Variants in TENM2 observed in about 807,000 individuals in gnomAD.
TENM2 encodes teneurin transmembrane protein 2.
In TENM2, 52 loss-of-function variants were observed where a neutral mutation model predicts 245.2. The observed-to-expected ratio is 0.21, with a 90% confidence interval of 0.17 to 0.27. TENM2 has a LOEUF of 0.27. TENM2 is among the 10% of genes least tolerant of loss of function. The pLI is 1.00. For missense variants in TENM2, 3,046 were observed against 3,666.8 expected, an observed-to-expected ratio of 0.83 and a Z score of 4.37; for synonymous variants, 1,363 against 1,438.9, an observed-to-expected ratio of 0.95 and a Z score of 1.19.
chr5:167,348,902 T>A (rs1561881866), intron 1 of TENM2, among the ~76,000 whole-genome samples: 1 of 152,226 alleles, frequency 6.6e-6, no homozygotes, highest in Non-Finnish European at 1.5e-5. Context: ...TATTGCATAT[T>A]CTGTAAGTCT....
At chr5:167,923,800 C>T (rs1693304036) in intron 3 of TENM2, among the ~76,000 whole-genome samples, 1 of 152,088 alleles carries the variant, frequency 6.6e-6, no homozygotes, top group Non-Finnish European at 1.5e-5. Context: ...GGAAGGAAGC[C>T]TAGTATCTCC....
intron 7 of TENM2, among the ~76,000 whole-genome samples, chr5:168,084,684 G>C (rs151178657): frequency 0.013 from 2,052 of 152,314 alleles, 25 homozygotes; most frequent in Non-Finnish European, 0.02. Context: ...AGAGAGAAGA[G>C]CAGTATGGCT....
At chr5:167,488,212 T>A (rs1319355618) in intron 2 of TENM2, among the ~76,000 whole-genome samples, 2 of 152,282 alleles carry the variant, frequency 1.3e-5, no homozygotes, top group Non-Finnish European at 2.9e-5. Context: ...TATTATTTTT[T>A]AAAAAATCGA....
intron 2 of TENM2, among the ~76,000 whole-genome samples, chr5:167,741,635 C>G (rs1056338030): frequency 4.6e-5 from 7 of 152,170 alleles, no homozygotes; most frequent in Non-Finnish European, 7.3e-5. Context: ...TCTGCTATCA[C>G]CTCAGCTTCA....
chr5:167,069,749 C>T, the TENM2 span, among the ~76,000 whole-genome samples: 1 of 152,118 alleles, frequency 6.6e-6, no homozygotes, highest in African/African-American at 2.4e-5. Flanking sequence ...ACTTAATTTT[C>T]ATTTAGCTGA....
intron 25 of TENM2, among the ~76,000 whole-genome samples, chr5:168,229,266 G>A (rs1030753958): frequency 2.6e-5 from 4 of 151,942 alleles, no homozygotes; most frequent in East Asian, 1.9e-4. Context: ...TCGATCCCAC[G>A]TCTCTCTTTC....
intron 8 of TENM2, among the ~76,000 whole-genome samples, chr5:168,091,612 G>A (rs1792946059): frequency 6.6e-6 from 1 of 152,116 alleles, no homozygotes; most frequent in African/African-American, 2.4e-5. Context: ...TGTGAATCAG[G>A]GAAGATTATT....
the TENM2 span, among the ~76,000 whole-genome samples, chr5:167,241,833 G>T: frequency 6.6e-6 from 1 of 152,076 alleles, no homozygotes. Context: ...CTTTGAAGAC[G>T]TTTTTCTCTG....
At chr5:167,892,083 T>C (rs768232001) in intron 3 of TENM2, among the ~76,000 whole-genome samples, 7 of 152,230 alleles carry the variant, frequency 4.6e-5, no homozygotes, top group Non-Finnish European at 1.0e-4. Flanking sequence ...TGATATAACA[T>C]ATTCTTGATT....
chr5:167,699,173 A>C, intron 2 of TENM2, among the ~76,000 whole-genome samples: 1 of 152,086 alleles, frequency 6.6e-6, no homozygotes, highest in East Asian at 1.9e-4. Context: ...TAAATGTGTA[A>C]GATGCTTCAC....
At chr5:167,876,099 T>A in exon 3 of TENM2, 1 of 1,551,358 alleles carries the variant, frequency 6.4e-7, no homozygotes, top group Non-Finnish European at 8.7e-7. Flanking sequence ...CAGCAACACC[T>A]CCCATCAAAT....
intron 27 of TENM2, among the ~76,000 whole-genome samples, chr5:168,248,737 C>T (rs1766823127): frequency 6.6e-6 from 1 of 152,220 alleles, no homozygotes; most frequent in Non-Finnish European, 1.5e-5. Flanking sequence ...GGACCTTGGA[C>T]TAGTTGTTCA....
the TENM2 span, among the ~76,000 whole-genome samples, chr5:167,084,980 T>C: frequency 6.6e-6 from 1 of 152,188 alleles, no homozygotes; most frequent in African/African-American, 2.4e-5. Flanking sequence ...ATTCAAATGA[T>C]AGAATTATTT....
chr5:167,944,360 A>G (rs1197132429), intron 3 of TENM2, among the ~76,000 whole-genome samples: 1 of 151,850 alleles, frequency 6.6e-6, no homozygotes, highest in Non-Finnish European at 1.5e-5. Flanking sequence ...AGACATTCAC[A>G]TGTGCAACTC....
chr5:168,064,851 G>A (rs1169795073), intron 7 of TENM2, among the ~76,000 whole-genome samples: 2 of 152,106 alleles, frequency 1.3e-5, no homozygotes, highest in Non-Finnish European at 2.9e-5. Context: ...CAATATAGGG[G>A]CACTGTTTTC....
At position 168,126,796 on chromosome 5, in the gene TENM2, G is replaced by C. The variant is rs200844955; in HGVS notation, c.2252G>C (p.Gly751Ala). The C allele has an allele frequency of 5.3e-4, 861 of 1,613,156 alleles. 2 individuals are homozygous for C. The highest frequency in any genetic ancestry group is 7.1e-4 in the Non-Finnish European group (836 of 1,179,616). The stretch of plus-strand genomic sequence containing the variant: ...TGTGGCACTCACGGCGTCTGCATCG[G>C]GGGAGCCTGCCGCTGTGAAGAGGGC... Residue 751 changes from glycine (G) to alanine (A), a missense_variant, in exon 12 of 29, where the codon GGG (glycine) becomes GCG (alanine). Coordinates refer to ENST00000518659, the Ensembl canonical transcript of TENM2.
At chr5:167,320,926 T>C (rs926984928) in intron 1 of TENM2, among the ~76,000 whole-genome samples, 2 of 140,432 alleles carry the variant, frequency 1.4e-5, no homozygotes, top group African/African-American at 5.3e-5. Context: ...GAGGAATTTC[T>C]TCCTGTAAAG....
At chr5:167,848,454 CATATT>C (rs1420542233) in intron 2 of TENM2, among the ~76,000 whole-genome samples, 4 of 152,008 alleles carry the variant, frequency 2.6e-5, no homozygotes, top group African/African-American at 7.2e-5. Flanking sequence ...ATATATAAAA[CATATT>C]ATATATTTTG....
chr5:167,263,728 T>TA, the TENM2 span, among the ~76,000 whole-genome samples: 2,854 of 145,798 alleles, frequency 0.02, 92 homozygotes, highest in African/African-American at 0.064. Flanking sequence ...GGCAAAAAGT[T>TA]AAAAAAAAAA....
Sources: allele counts gnomAD v4.1 joint callset (sites outside exome capture counted in the v4.1 genomes callset), GRCh38; gene constraint gnomAD v4.1.1; transcripts MANE v1.5; gene names NCBI Gene and HGNC (gene_info 2026-07-23, HGNC 2026-07-21).